PPP2R2B: variants seen among roughly 807,000 people sequenced by gnomAD.
The protein encoded by PPP2R2B is protein phosphatase 2 regulatory subunit Bbeta.
Under a neutral mutation model 46.0 loss-of-function variants are expected in PPP2R2B, and 5 were observed. The observed-to-expected ratio is 0.11, with a 90% CI of 0.06 to 0.23. PPP2R2B has a LOEUF of 0.23. PPP2R2B is among the 10% of genes least tolerant of loss of function. The probability of loss-of-function intolerance (pLI) is 1.00; values close to 1 mark genes in which losing one functional copy is unlikely to be tolerated. For synonymous variants in PPP2R2B, 215 were observed against 206.7 expected, an observed-to-expected ratio of 1.04 and a Z score of -0.34; for missense variants, 367 against 575.0, an observed-to-expected ratio of 0.64 and a Z score of 3.70.
rs191692179 is a variant in PPP2R2B at position 146,945,270 on chromosome 5, T to C, written c.79+110395A>G. ...TGTTCTTCAGGTTCCTTCCTCAAAATTTAAGTCCACTTTTCATCAATCACT... is the reference window on the plus strand; with the variant it reads ...TGTTCTTCAGGTTCCTTCCTCAAAACTTAAGTCCACTTTTCATCAATCACT... On this transcript the variant is annotated intron_variant, in intron 1 of 8. Transcript: ENST00000336640. Among the ~76,000 whole-genome samples the C allele has an allele frequency of 4.2e-3, 646 of 152,282 alleles. 4 individuals carry two copies. Among genetic ancestry groups the C allele is most frequent in the Non-Finnish European group, 6.6e-3 (448 of 68,018 alleles).
chr5:146,957,589 G>C (rs1751970374), intron 1 of PPP2R2B, among the ~76,000 whole-genome samples: 1 of 152,128 alleles, frequency 6.6e-6, no homozygotes, highest in Non-Finnish European at 1.5e-5. Flanking sequence ...TTATTTGCAT[G>C]ATTGTTGGAG....
At chr5:146,618,767 C>T (rs578254479) in intron 7 of PPP2R2B, among the ~76,000 whole-genome samples, 1 of 152,184 alleles carries the variant, frequency 6.6e-6, no homozygotes, top group Admixed American at 6.5e-5. Context: ...ATTCCTGATG[C>T]TGGTGCTGTA....
chr5:146,916,690 A>G (rs1452732684), intron 1 of PPP2R2B, among the ~76,000 whole-genome samples: 2 of 152,144 alleles, frequency 1.3e-5, no homozygotes, highest in Non-Finnish European at 2.9e-5. Flanking sequence ...CTTGCTATGT[A>G]GTTGAGTGTT....
At chr5:146,788,231 C>CA (rs1561907472) in intron 2 of PPP2R2B, among the ~76,000 whole-genome samples, 1 of 151,616 alleles carries the variant, frequency 6.6e-6, no homozygotes, top group African/African-American at 2.4e-5. Flanking sequence ...TATTAGACTC[C>CA]AAAAAATATA....
At position 146,582,508 on chromosome 5, in the gene PPP2R2B, G is replaced by C. The variant is rs1297640093; in HGVS notation, c.*7439C>G. 1 of 152,218 alleles carries C rather than the reference G, an allele frequency of 6.6e-6. No individual in the cohort carries two copies. The highest frequency in any genetic ancestry group is 2.4e-5 in the African/African-American group (1 of 41,410). 9.4% of individuals were successfully genotyped at this position (152,218 alleles called of 1,614,324 possible). ...GATCACTTGCTTTTAACACATCTTG[G>C]CTCACTGGCTCCCAATTTTTTCTTA... On this transcript the variant is annotated 3_prime_UTR_variant, in exon 10 of 10. Transcript: ENST00000394411.
At chr5:146,828,523 T>A (rs904352041) in intron 2 of PPP2R2B, among the ~76,000 whole-genome samples, 6 of 152,206 alleles carry the variant, frequency 3.9e-5, no homozygotes, top group Non-Finnish European at 8.8e-5. Flanking sequence ...TCAGATTCCA[T>A]CTGTGACAGC....
At chr5:146,832,119 C>T (rs1758977657) in intron 2 of PPP2R2B, among the ~76,000 whole-genome samples, 1 of 151,912 alleles carries the variant, frequency 6.6e-6, no homozygotes, top group Non-Finnish European at 1.5e-5. Context: ...AATGTTATTA[C>T]AAAACAGTCA....
chr5:146,980,673 A>C (rs1753128530), intron 1 of PPP2R2B, among the ~76,000 whole-genome samples: 3 of 152,096 alleles, frequency 2.0e-5, no homozygotes, highest in Non-Finnish European at 1.5e-5. Flanking sequence ...TATGTATTCT[A>C]ATTTTATGGT....
At position 146,615,708 on chromosome 5, in the gene PPP2R2B, A is replaced by G. The variant is rs373600568; in HGVS notation, c.791-15248T>C. Among the ~76,000 whole-genome samples, 78 of 152,138 alleles carry G rather than the reference A, an allele frequency of 5.1e-4. No individual in the cohort carries two copies. The South Asian group carries it at 0.016, about 31-fold the overall frequency. ...CCCAGAGAAGTAAAAGGTCTCTACAATGAAAATTAAAAAACACTGATGAAA... is the reference window on the plus strand; with the variant it reads ...CCCAGAGAAGTAAAAGGTCTCTACAGTGAAAATTAAAAAACACTGATGAAA... On this transcript the variant is annotated intron_variant, in intron 7 of 9. Coordinates refer to ENST00000394411, the MANE Select transcript of PPP2R2B (RefSeq NM_181675.4).
At chr5:146,784,788 G>T (rs1009129979) in intron 2 of PPP2R2B, among the ~76,000 whole-genome samples, 2 of 152,140 alleles carry the variant, frequency 1.3e-5, no homozygotes, top group African/African-American at 4.8e-5. Flanking sequence ...AGAAAAGAAG[G>T]TTCTATTATG....
intron 1 of PPP2R2B, among the ~76,000 whole-genome samples, chr5:146,934,793 G>A (rs982429691): frequency 2.0e-5 from 3 of 151,776 alleles, no homozygotes; most frequent in African/African-American, 7.3e-5. Flanking sequence ...TGTTGCTGAG[G>A]TGAACAAGGA....
intron 1 of PPP2R2B, among the ~76,000 whole-genome samples, chr5:146,946,221 A>C (rs1367950932): frequency 1.3e-5 from 2 of 152,134 alleles, no homozygotes; most frequent in African/African-American, 2.4e-5. Context: ...ACACTTCAGC[A>C]ATCAACTTGA....
At chr5:146,655,889 T>G (rs1461046637) in intron 5 of PPP2R2B, among the ~76,000 whole-genome samples, 1 of 42,740 alleles carries the variant, frequency 2.3e-5, no homozygotes, top group African/African-American at 9.2e-5. Flanking sequence ...GGGTGGGAGG[T>G]CCCCAAAGAG....
intron 5 of PPP2R2B, among the ~76,000 whole-genome samples, chr5:146,684,195 G>A (rs1430968392): frequency 2.0e-5 from 3 of 152,180 alleles, no homozygotes; most frequent in Admixed American, 6.5e-5. Flanking sequence ...GAAGCCCCCA[G>A]AGCAGCAATA....
intron 1 of PPP2R2B, among the ~76,000 whole-genome samples, chr5:146,966,692 T>A (rs1561545781): frequency 1.3e-5 from 2 of 152,194 alleles, no homozygotes; most frequent in Non-Finnish European, 2.9e-5. Flanking sequence ...GTATCCCTCG[T>A]ACCTAACACT....
rs116117731 is a variant in PPP2R2B, at chr5:146,677,073, C to T, written c.447+14055G>A. Among the ~76,000 whole-genome samples, 152 of 152,030 alleles carry T rather than the reference C, an allele frequency of 1.0e-3. 2 individuals are homozygous for T. The highest frequency in any genetic ancestry group is 1.5e-3 in the Non-Finnish European group (103 of 67,988). On this transcript the variant is annotated intron_variant, in intron 5 of 9. Coordinates refer to ENST00000394411, the MANE Select transcript of PPP2R2B (RefSeq NM_181675.4). ...TTGTTGTCTGCTTTGTCTGCTTTGA[C>T]GATCTTATGTTTCCCTCATAGGATG...
rs193286519 is a variant in PPP2R2B at position 146,644,695 on chromosome 5, C to T, written c.625+5852G>A. Among the ~76,000 whole-genome samples, 6 of 152,288 alleles carry T rather than the reference C, an allele frequency of 3.9e-5. 1 individual carries two copies. Among genetic ancestry groups the T allele is most frequent in the Admixed American group, 3.9e-4 (6 of 15,302 alleles). On this transcript the variant is annotated intron_variant, in intron 6 of 9. Transcript: ENST00000394411. ...AATTTGGGAAAGTCATTTTATCTCT[C>T]TGGGTTTCCATTTCTTTGCCTATAA... is the stretch of plus-strand genomic sequence containing the variant.
intron 1 of PPP2R2B, chr5:146,919,320 A>G (rs1373717942): frequency 6.6e-6 from 1 of 152,202 alleles, no homozygotes; most frequent in African/African-American, 2.4e-5. Flanking sequence ...CTTTTTCCCA[A>G]CTAATTTCAG....
At chr5:146,757,580 G>C (rs1426222075) in intron 2 of PPP2R2B, among the ~76,000 whole-genome samples, 1 of 152,160 alleles carries the variant, frequency 6.6e-6, no homozygotes, top group Non-Finnish European at 1.5e-5. Flanking sequence ...GGAAAACATA[G>C]ATGGCCTCAC....
Sources: gnomAD v4.1 joint callset for allele counts (sites outside exome capture counted in the v4.1 genomes callset) on GRCh38, gnomAD v4.1.1 for gene constraint, MANE v1.5 for transcripts, NCBI Gene and HGNC (gene_info 2026-07-23, HGNC 2026-07-21) for gene names.